The following RYR2 variants were observed in gnomAD, a reference collection of about 807,000 sequenced individuals.
RYR2 encodes the protein ryanodine receptor 2.
RYR2 carries 227 observed loss-of-function variants against 601.1 expected under a neutral mutation model. That is an observed-to-expected ratio of 0.38 (90% CI 0.34 to 0.42). The LOEUF (loss-of-function observed/expected upper bound fraction) is 0.42. Ranked by LOEUF, RYR2 falls within the 10% of genes least tolerant of loss-of-function variation. RYR2 has a pLI of 1.00. For synonymous variants in RYR2, 2,223 were observed against 2,175.1 expected (o/e 1.02, Z -0.61); for missense variants, 4,646 against 6,156.5 (o/e 0.75, Z 8.21).
At chr1:237,437,825 T>C (rs1031207880) in intron 12 of RYR2, among the ~76,000 whole-genome samples, 3 of 152,246 alleles carry the variant, frequency 2.0e-5, no homozygotes, top group Non-Finnish European at 4.4e-5. Context: ...TCTTGCAGGA[T>C]AGAAGACTAT....
chr1:237,730,970 T>TAGTC (rs1386378574), intron 77 of RYR2, among the ~76,000 whole-genome samples: 1 of 152,156 alleles, frequency 6.6e-6, no homozygotes, highest in South Asian at 2.1e-4. Context: ...ATCTCAAAAC[T>TAGTC]TGGCAGACTA....
At position 237,669,406 on chromosome 1, in the gene RYR2, G is replaced by A. The variant is rs1168676004; in HGVS notation, c.8590+1448G>A. ...GAGCTGTTGGGTACACCTCCCAGAC[G>A]GGGTGGTGGCCTGGCAGAGGGGCTC... On this transcript the variant is annotated intron_variant, in intron 58 of 104. Coordinates refer to ENST00000366574, the MANE Select transcript of RYR2 (RefSeq NM_001035.3). Among the ~76,000 whole-genome samples the A allele has an allele frequency of 1.3e-3, 195 of 152,114 alleles. 1 individual carries two copies. The highest frequency in any genetic ancestry group is 3.3e-3 in the South Asian group (16 of 4,828).
chr1:237,370,357 T>C (rs1048716003), intron 6 of RYR2, among the ~76,000 whole-genome samples: 13 of 152,034 alleles, frequency 8.6e-5, no homozygotes, highest in Non-Finnish European at 1.3e-4. Context: ...TCAACACATA[T>C]TTTTTGTATG....
At chr1:237,756,799 C>G (rs1692994193) in intron 81 of RYR2, among the ~76,000 whole-genome samples, 1 of 152,196 alleles carries the variant, frequency 6.6e-6, no homozygotes, top group African/African-American at 2.4e-5. Context: ...AGTACACAAA[C>G]AGCGTGGCTG....
At position 237,270,301 on chromosome 1, in the gene RYR2, T is replaced by C. The variant is rs1403255021; in HGVS notation, c.49-196T>C. ...AGCTCCCCTCTTTTCCCCTACTCAG[T>C]TGCCTTTTTGCAAATAAAAAGTACG... On this transcript the variant is annotated intron_variant, in intron 1 of 104. Coordinates refer to ENST00000366574, the MANE Select transcript of RYR2 (RefSeq NM_001035.3). 1.6e-5 allele frequency: 12 copies of C among 755,520 alleles called. No individual in the cohort carries two copies. The Admixed American group carries it at 2.4e-4, about 15-fold the overall frequency. The allele number at this position is 755,520 out of a possible 1,614,324, so 46.8% of individuals were successfully genotyped here. A position where few individuals can be genotyped will look rare whatever the true frequency, so the allele number is the denominator to read the frequency against.
Position 237,791,530 on chromosome 1 carries a change from C to CTGTTTTAATTACTGGT in RYR2, c.13563+16_13563+31dup. The CTGTTTTAATTACTGGT allele has an allele frequency of 7.8e-7, 1 of 1,286,782 alleles. No individual in the cohort carries two copies. Among genetic ancestry groups the CTGTTTTAATTACTGGT allele is most frequent in the South Asian group, 1.3e-5 (1 of 78,774 alleles). 79.7% of individuals were successfully genotyped at this position (1,286,782 alleles called of 1,614,324 possible). Reference sequence around the variant, plus strand: ...TCTTTTATAAGGTACGTACATCTCACTGTTTTAATTACTGGTATAAAACTC... The same window carrying CTGTTTTAATTACTGGT: ...TCTTTTATAAGGTACGTACATCTCACTGTTTTAATTACTGGTTGTTTTAATTACTGGTATAAAACTC... On this transcript the variant is annotated intron_variant, in intron 93 of 104. Coordinates refer to ENST00000366574, the MANE Select transcript of RYR2 (RefSeq NM_001035.3).
chr1:237,625,896 G>C (rs1332609007), intron 40 of RYR2, 92 bp downstream of exon 40: 1 of 1,428,160 alleles, frequency 7.0e-7, no homozygotes, highest in Non-Finnish European at 9.5e-7. Flanking sequence ...GAGCCAGTGA[G>C]ATAATTGAGT....
At chr1:237,766,058 C>T (rs1693826185) in intron 84 of RYR2, among the ~76,000 whole-genome samples, 1 of 152,048 alleles carries the variant, frequency 6.6e-6, no homozygotes, top group Admixed American at 6.6e-5. Context: ...TGCGAGGGAA[C>T]AGCATATGCA....
Position 237,355,950 on chromosome 1 carries a change from T to G in RYR2, c.274-15T>G, listed in dbSNP as rs543184752. ...TTGTTTGTTTGTTATTTATTTTGGC[T>G]TTTTCTTTCCACAGCAAGTTGATGT... is the stretch of plus-strand genomic sequence containing the variant. On this transcript the variant is annotated splice_polypyrimidine_tract_variant and intron_variant, in intron 3 of 104. Coordinates refer to ENST00000366574, the MANE Select transcript of RYR2 (RefSeq NM_001035.3). 6.3e-7 allele frequency: 1 copy of G among 1,596,362 alleles called. No homozygotes were observed. Among genetic ancestry groups the G allele is most frequent in the Non-Finnish European group, 8.5e-7 (1 of 1,170,420 alleles).
chr1:237,400,216 A>G (rs192022879), intron 10 of RYR2, among the ~76,000 whole-genome samples: 44 of 152,362 alleles, frequency 2.9e-4, no homozygotes, highest in African/African-American at 1.0e-3. Context: ...ACAACTGCAC[A>G]TGACCAGAGT....
intron 1 of RYR2, among the ~76,000 whole-genome samples, chr1:237,135,315 G>A (rs1357068477): frequency 6.6e-6 from 1 of 150,738 alleles, no homozygotes; most frequent in Non-Finnish European, 1.5e-5. Flanking sequence ...TTGTTCTCCT[G>A]GGCTACAGAT....
At position 237,566,651 on chromosome 1, in the gene RYR2, G is replaced by A. The variant is rs751533741; in HGVS notation, c.3299G>A (p.Arg1100Gln). 1.1e-5 allele frequency: 18 copies of A among 1,613,994 alleles called. No homozygotes were observed. The highest frequency in any genetic ancestry group is 1.4e-5 in the Non-Finnish European group (16 of 1,179,876). Residue 1100 changes from arginine to glutamine, a missense_variant, in exon 28 of 105, where the codon CGG becomes CAG. By Grantham distance (43) the Arg-to-Gln change is conservative. Transcript: ENST00000366574. ...AAGACCTATGCAGTGAAGGCCGGAC[G>A]GTGGTATTTTGAATTTGAGACGGTC... ...AEKTYAVKAG[R>Q]WYFEFETVTA...
intron 19 of RYR2, 107 bp from the exon 20 acceptor site, chr1:237,496,404 T>C: frequency 6.8e-7 from 1 of 1,473,888 alleles, no homozygotes; most frequent in Non-Finnish European, 9.2e-7. Flanking sequence ...CAAGACTCTG[T>C]CTCAATAAAA....
chr1:237,294,593 A>C (rs570321651), intron 2 of RYR2, among the ~76,000 whole-genome samples: 29 of 152,334 alleles, frequency 1.9e-4, no homozygotes, highest in African/African-American at 6.5e-4. Flanking sequence ...TATTTAAGTA[A>C]AATATTTTAT....
chr1:237,167,948 G>C (rs1676905531), intron 1 of RYR2, among the ~76,000 whole-genome samples: 1 of 152,110 alleles, frequency 6.6e-6, no homozygotes, highest in South Asian at 2.1e-4. Context: ...AAATTTGCAT[G>C]TTAGGAGCCT....
chr1:237,811,579 G>T (rs1307023475), intron 100 of RYR2, among the ~76,000 whole-genome samples: 1 of 152,038 alleles, frequency 6.6e-6, no homozygotes, highest in Non-Finnish European at 1.5e-5. Context: ...TGAATTGCAG[G>T]TTAGTTAAAA....
chr1:237,448,901 G>A (rs1657723165), intron 14 of RYR2, among the ~76,000 whole-genome samples: 1 of 151,636 alleles, frequency 6.6e-6, no homozygotes, highest in Admixed American at 6.6e-5. Context: ...AAGTAGTTGG[G>A]TCTTGCATTT....
chr1:237,288,064 C>G (rs1306143653), intron 2 of RYR2, among the ~76,000 whole-genome samples: 1 of 152,164 alleles, frequency 6.6e-6, no homozygotes, highest in Non-Finnish European at 1.5e-5. Context: ...AGCTGAATCA[C>G]AGTGATTGTT....
rs116579758 is a variant in RYR2, at chr1:237,779,642, G to A, written c.11880+872G>A. Reference sequence around the variant, plus strand: ...CCCTCAGGCCTGCAAATGACAATATGCAGGATATATTGTCAAAGATCAGCA... The same window carrying A: ...CCCTCAGGCCTGCAAATGACAATATACAGGATATATTGTCAAAGATCAGCA... On this transcript the variant is annotated intron_variant, in intron 88 of 104. Transcript: ENST00000366574. Among the ~76,000 whole-genome samples the A allele has an allele frequency of 7.6e-3, 1,161 of 152,292 alleles. 13 individuals are homozygous for A. Among genetic ancestry groups the A allele is most frequent in the African/African-American group, 0.026 (1,080 of 41,552 alleles).
Sources: allele counts gnomAD v4.1 joint callset (sites outside exome capture counted in the v4.1 genomes callset), GRCh38; gene constraint gnomAD v4.1.1; transcripts MANE v1.5; gene names NCBI Gene and HGNC (gene_info 2026-07-23, HGNC 2026-07-21).